The following SMOC1 variants were observed in gnomAD, a reference collection of about 807,000 sequenced individuals.
SMOC1 encodes the protein SPARC related modular calcium binding 1.
A neutral mutation model predicts 56.3 loss-of-function variants in SMOC1; 22 were observed. The observed-to-expected ratio is 0.39, with a 90% confidence interval of 0.28 to 0.56. The LOEUF is 0.56. SMOC1 is among the 20% of genes least tolerant of loss of function. SMOC1 has a pLI of 0.61. For synonymous variants in SMOC1, 193 were observed against 215.0 expected (o/e 0.90, Z 0.89); for missense variants, 509 against 565.4 (o/e 0.90, Z 1.01).
chr14:69,977,585 G>A (rs1421807539), intron 4 of SMOC1, among the ~76,000 whole-genome samples: 3 of 152,154 alleles, frequency 2.0e-5, no homozygotes, highest in Non-Finnish European at 4.4e-5. Flanking sequence ...TTGGGGAGAT[G>A]GGGGTGTAAA....
chr14:69,901,773 T>C (rs749654345), intron 1 of SMOC1, among the ~76,000 whole-genome samples: 18 of 152,340 alleles, frequency 1.2e-4, no homozygotes, highest in Non-Finnish European at 1.0e-4. Context: ...ACCACCCCGC[T>C]GGGAAACAGG....
At chr14:69,995,275 T>C (rs1475820445) in intron 7 of SMOC1, among the ~76,000 whole-genome samples, 3 of 152,266 alleles carry the variant, frequency 2.0e-5, no homozygotes, top group African/African-American at 7.2e-5. Flanking sequence ...AATCAATTAA[T>C]GAGTGTCCTG....
chr14:69,971,954 A>G (rs1028818763), intron 3 of SMOC1, among the ~76,000 whole-genome samples: 3 of 152,230 alleles, frequency 2.0e-5, no homozygotes, highest in African/African-American at 7.2e-5. Context: ...TTGAGTGTAC[A>G]GATAGTTTGC....
chr14:70,014,791 C>G (rs532844390), intron 10 of SMOC1, among the ~76,000 whole-genome samples: 1 of 152,180 alleles, frequency 6.6e-6, no homozygotes, highest in Admixed American at 6.5e-5. Flanking sequence ...GTTAGTCCCC[C>G]GGCATCTGCC....
At chr14:69,932,840 C>T (rs547252582) in intron 1 of SMOC1, among the ~76,000 whole-genome samples, 13 of 152,136 alleles carry the variant, frequency 8.5e-5, no homozygotes, top group South Asian at 4.2e-4. Flanking sequence ...ATTTTGGGGA[C>T]GCTGGCAGCA....
chr14:69,938,672 G>A (rs1395777955), intron 1 of SMOC1, among the ~76,000 whole-genome samples: 4 of 152,118 alleles, frequency 2.6e-5, no homozygotes, highest in African/African-American at 9.7e-5. Context: ...GACAAGCAGT[G>A]TCCATGACTT....
intron 1 of SMOC1, among the ~76,000 whole-genome samples, chr14:69,921,122 TC>T (rs1884829390): frequency 6.6e-6 from 1 of 152,112 alleles, no homozygotes; most frequent in African/African-American, 2.4e-5. Context: ...CGCACAGACT[TC>T]CCGCTGCAGG....
At chr14:69,960,797 G>A (rs1883342563) in intron 3 of SMOC1, among the ~76,000 whole-genome samples, 1 of 141,708 alleles carries the variant, frequency 7.1e-6, no homozygotes, top group South Asian at 2.2e-4. Flanking sequence ...TTCATCTTTA[G>A]GTTCTTGGTT....
chr14:69,978,389 A>G (rs11158825), intron 5 of SMOC1, among the ~76,000 whole-genome samples: 8,848 of 152,264 alleles, frequency 0.058, 358 homozygotes, highest in African/African-American at 0.12. Context: ...ATGCTCCTTC[A>G]TAATTGTCCC....
At chr14:69,899,427 T>G (rs922019759) in intron 1 of SMOC1, among the ~76,000 whole-genome samples, 1 of 152,190 alleles carries the variant, frequency 6.6e-6, no homozygotes, top group African/African-American at 2.4e-5. Flanking sequence ...GTGTGGCACC[T>G]TCCCCCTCTG....
chr14:69,919,920 C>T (rs571804842), intron 1 of SMOC1, among the ~76,000 whole-genome samples: 42 of 149,742 alleles, frequency 2.8e-4, no homozygotes, highest in African/African-American at 8.5e-4. Flanking sequence ...ACCCCCCCCC[C>T]CCTTTCTCCC....
At chr14:70,013,698 C>T (rs1885413757) in intron 10 of SMOC1, among the ~76,000 whole-genome samples, 1 of 152,180 alleles carries the variant, frequency 6.6e-6, no homozygotes, top group Non-Finnish European at 1.5e-5. Flanking sequence ...TCTTTGGGAG[C>T]TGCTTGTCCC....
At chr14:70,011,604 C>T in intron 9 of SMOC1, 37 bp downstream of exon 9, 4 of 1,563,928 alleles carry the variant, frequency 2.6e-6, no homozygotes, top group Non-Finnish European at 3.5e-6. Flanking sequence ...GCCATCACCT[C>T]CTTCTGTTCC....
intron 5 of SMOC1, among the ~76,000 whole-genome samples, chr14:69,978,882 G>T (rs2139511290): frequency 6.6e-6 from 1 of 152,248 alleles, no homozygotes; most frequent in Non-Finnish European, 1.5e-5. Context: ...CCTGGAATAT[G>T]CTGACCATAG....
At chr14:69,927,735 G>C (rs555389841) in intron 1 of SMOC1, among the ~76,000 whole-genome samples, 20 of 152,272 alleles carry the variant, frequency 1.3e-4, no homozygotes, top group East Asian at 3.9e-4. Flanking sequence ...GGATTGCTTG[G>C]GGGTGGAGAC....
At chr14:70,015,714 C>A (rs535302875) in intron 10 of SMOC1, among the ~76,000 whole-genome samples, 2 of 152,114 alleles carry the variant, frequency 1.3e-5, no homozygotes, top group Admixed American at 6.5e-5. Flanking sequence ...CTGGAGGCGG[C>A]CTGTGGCACT....
At chr14:70,027,526 G>A (rs373314386) in intron 11 of SMOC1, among the ~76,000 whole-genome samples, 286 of 152,254 alleles carry the variant, frequency 1.9e-3, no homozygotes, top group Non-Finnish European at 3.2e-3. Flanking sequence ...ATGGGATGAC[G>A]GACCACTATT....
chr14:69,891,950 T>G (rs1883973094), intron 1 of SMOC1, among the ~76,000 whole-genome samples: 1 of 152,222 alleles, frequency 6.6e-6, no homozygotes, highest in South Asian at 2.1e-4. Flanking sequence ...GTTCCTTTCT[T>G]TTGTAAATTA....
At chr14:69,907,672 G>A (rs1462956617) in intron 1 of SMOC1, among the ~76,000 whole-genome samples, 2 of 152,212 alleles carry the variant, frequency 1.3e-5, no homozygotes, top group Non-Finnish European at 2.9e-5. Context: ...AGTAGAGTAG[G>A]TGTCTTAGTC....
Sources: gnomAD v4.1 joint callset for allele counts (sites outside exome capture counted in the v4.1 genomes callset) on GRCh38, gnomAD v4.1.1 for gene constraint, MANE v1.5 for transcripts, NCBI Gene and HGNC (gene_info 2026-07-23, HGNC 2026-07-21) for gene names.